The following CDH22 variants were observed in gnomAD, a reference collection of about 807,000 sequenced individuals.
CDH22 encodes cadherin-22.
A neutral mutation model predicts 58.4 loss-of-function variants in CDH22; 30 were observed. The observed-to-expected ratio is 0.51, with a 90% CI of 0.38 to 0.70. The LOEUF (loss-of-function observed/expected upper bound fraction) is 0.70. Among genes scored for constraint, CDH22 ranks in the 30% least tolerant of loss-of-function variants. The pLI, the probability that CDH22 is intolerant of heterozygous loss-of-function variation, is 0.00. For missense variants in CDH22, 1,014 were observed against 1,233.9 expected (o/e 0.82, Z 2.67); for synonymous variants, 513 against 558.2 (o/e 0.92, Z 1.14).
chr20:46,185,376 T>A (rs1451022833), intron 10 of CDH22, among the ~76,000 whole-genome samples: 1 of 152,056 alleles, frequency 6.6e-6, no homozygotes, highest in African/African-American at 2.4e-5. Flanking sequence ...GCAGGGCAGT[T>A]TGCTTTCCAG....
Position 46,184,341 on chromosome 20 carries a change from C to T in CDH22, c.1663+2247G>A, listed in dbSNP as rs188755006. Among the ~76,000 whole-genome samples, 802 of 152,196 alleles carry T rather than the reference C, an allele frequency of 5.3e-3. 3 individuals are homozygous for T. Among genetic ancestry groups the T allele is most frequent in the Non-Finnish European group, 8.4e-3 (573 of 67,992 alleles). On this transcript the variant is annotated intron_variant, in intron 10 of 11. Transcript: ENST00000537909. ...CTCGAACTTCTGACCTCAACTAATC[C>T]GCCCACTTCAGCCTCCCAAAGTGTT...
In CDH22 at chr20:46,216,584, T is replaced by C. The variant is rs926690026; in HGVS notation, c.838+242A>G. On this transcript the variant is annotated intron_variant, in intron 5 of 11. Transcript: ENST00000537909. The surrounding 1 kb of genome is among the most constrained non-coding windows in gnomAD (Gnocchi z 5.3). Reference sequence around the variant, plus strand: ...AGCAAGAGGAGGTCTGGGAAGGTGATGGTGTGTTACTTGGCTCTGTGGAGC... The same window carrying C: ...AGCAAGAGGAGGTCTGGGAAGGTGACGGTGTGTTACTTGGCTCTGTGGAGC... Among the ~76,000 whole-genome samples, 1 of 151,976 alleles carries C rather than the reference T, an allele frequency of 6.6e-6. No homozygotes were observed. The highest frequency in any genetic ancestry group is 1.5e-5 in the Non-Finnish European group (1 of 67,982).
intron 1 of CDH22, among the ~76,000 whole-genome samples, chr20:46,306,178 T>C (rs2086676329): frequency 2.0e-5 from 3 of 152,274 alleles, no homozygotes; most frequent in Admixed American, 6.5e-5. Context: ...AAGTGTCTTC[T>C]TGTCCTGCCT....
intron 3 of CDH22, among the ~76,000 whole-genome samples, chr20:46,232,252 A>G (rs1165511873): frequency 6.6e-6 from 1 of 152,104 alleles, no homozygotes; most frequent in Non-Finnish European, 1.5e-5. Context: ...GGAGCCCCCC[A>G]GCTGGCTCTG....
chr20:46,212,939 C>A (rs968496559), intron 6 of CDH22, 56 bp downstream of exon 6: 12 of 1,496,226 alleles, frequency 8.0e-6, no homozygotes, highest in Middle Eastern at 1.7e-4. Context: ...CAGAGGCCTC[C>A]CTGATCCTCC....
intron 1 of CDH22, among the ~76,000 whole-genome samples, chr20:46,286,150 T>C (rs2086575991): frequency 6.6e-6 from 1 of 152,210 alleles, no homozygotes; most frequent in Non-Finnish European, 1.5e-5. Flanking sequence ...ACTTACTGTA[T>C]GCTTTTCATG....
At chr20:46,188,073 A>G (rs2085839349) in intron 8 of CDH22, among the ~76,000 whole-genome samples, 2 of 152,198 alleles carry the variant, frequency 1.3e-5, no homozygotes, top group African/African-American at 4.8e-5. Flanking sequence ...TCTCTGGGCT[A>G]CCAGCATTGT....
At chr20:46,225,154 C>T (rs1043686469) in intron 4 of CDH22, among the ~76,000 whole-genome samples, 3 of 152,238 alleles carry the variant, frequency 2.0e-5, no homozygotes, top group Non-Finnish European at 2.9e-5. Flanking sequence ...TGGTACATTT[C>T]GGCATTATCT....
At chr20:46,275,936 T>A (rs2086515223) in intron 1 of CDH22, among the ~76,000 whole-genome samples, 1 of 142,342 alleles carries the variant, frequency 7.0e-6, no homozygotes. Context: ...ACTAGATAAG[T>A]AGAAATTGGC....
chr20:46,196,719 C>T (rs892324214), intron 8 of CDH22, among the ~76,000 whole-genome samples: 1 of 152,140 alleles, frequency 6.6e-6, no homozygotes, highest in Non-Finnish European at 1.5e-5. Context: ...CTCATCCCCA[C>T]AGTGAAGATG....
In CDH22 at chr20:46,293,877, T is replaced by C. The variant is rs1000181929; in HGVS notation, c.-400+14378A>G. On this transcript the variant is annotated intron_variant, in intron 1 of 11. Transcript: ENST00000537909. ...TAAAATACAAAAAATTAGCCAGCCA[T>C]GGTGGCTCATGCCTGTAATCCCAGC... Among the ~76,000 whole-genome samples, 46 of 151,980 alleles carry C rather than the reference T, an allele frequency of 3.0e-4. 1 individual carries two copies. Among genetic ancestry groups the C allele is most frequent in the Non-Finnish European group, 4.4e-5 (3 of 68,002 alleles).
intron 4 of CDH22, among the ~76,000 whole-genome samples, chr20:46,226,488 A>G (rs2086176295): frequency 1.3e-5 from 2 of 151,420 alleles, no homozygotes; most frequent in South Asian, 4.2e-4. Context: ...TCTCTGTGTT[A>G]CCCAGGCTGG....
intron 4 of CDH22, among the ~76,000 whole-genome samples, chr20:46,226,462 T>C (rs151022343): frequency 6.6e-6 from 1 of 151,858 alleles, no homozygotes; most frequent in Non-Finnish European, 1.5e-5. Context: ...ATTTTTTCTT[T>C]TGTAGAGATG....
Position 46,251,167 on chromosome 20 carries a change from G to T in CDH22, c.128C>A (p.Ser43Ter). The T allele has an allele frequency of 1.9e-6, 3 of 1,582,044 alleles. No homozygotes were observed. The highest frequency in any genetic ancestry group is 2.6e-6 in the Non-Finnish European group (3 of 1,165,212). The change falls in exon 2 of 12, where the codon TCG becomes TAG. Residue 43 changes from serine to a stop codon, truncating the protein, a stop_gained. Coordinates refer to ENST00000537909, the MANE Select transcript of CDH22 (RefSeq NM_021248.3). LOFTEE classifies it high-confidence loss of function. This position sits in a 1 kb window ranked among gnomAD's most constrained non-coding sequence, Gnocchi z 6.7. Reference protein sequence around the residue: ...LGRLWAAGTPSPSAPGARQDG... With the variant: ...LGRLWAAGTP ...CTGCCGAGCTCCGGGCGCCGACGGC[G>T]AGGGTGTGCCCGCTGCCCACAGGCG...
intron 3 of CDH22, 25 bp downstream of exon 3, chr20:46,240,938 C>T (rs772201859): frequency 6.9e-6 from 11 of 1,596,838 alleles, no homozygotes; most frequent in Non-Finnish European, 7.7e-6. Flanking sequence ...GATCCCATCC[C>T]CCACCCCCAG....
chr20:46,182,935 C>T (rs945037036), intron 10 of CDH22, among the ~76,000 whole-genome samples: 1 of 152,180 alleles, frequency 6.6e-6, no homozygotes, highest in Non-Finnish European at 1.5e-5. Flanking sequence ...TCCACGGCTG[C>T]TGTGACCTCA....
At chr20:46,212,672 G>A (rs1011475570) in intron 6 of CDH22, among the ~76,000 whole-genome samples, 6 of 152,180 alleles carry the variant, frequency 3.9e-5, no homozygotes, top group Non-Finnish European at 8.8e-5. Flanking sequence ...GGAAATATGA[G>A]GATTAAAGGC....
chr20:46,249,346 G>T (rs1234415993), intron 2 of CDH22, among the ~76,000 whole-genome samples: 1 of 152,188 alleles, frequency 6.6e-6, no homozygotes, highest in Non-Finnish European at 1.5e-5. Flanking sequence ...GGAGTCAGGA[G>T]TCCTAGGCCC....
Position 46,174,712 on chromosome 20 carries a change from C to A in CDH22, c.2281G>T (p.Asp761Tyr). 1 of 1,555,998 alleles carries A rather than the reference C, an allele frequency of 6.4e-7. No individual in the cohort carries two copies. Among genetic ancestry groups the A allele is most frequent in the Non-Finnish European group, 8.6e-7 (1 of 1,158,556 alleles). The change falls in exon 12 of 12, where the codon GAC becomes TAC. Residue 761 changes from aspartate (D) to tyrosine (Y), a missense_variant. Physicochemically the swap from Asp to Tyr is radical, Grantham distance 160. Around this residue, in one of 2 missense-constraint regions of CDH22, gnomAD observed 208 missense variants for 195.2 expected, o/e 1.07. Coordinates refer to ENST00000537909, the MANE Select transcript of CDH22 (RefSeq NM_021248.3). This position sits in a 1 kb window ranked among gnomAD's most constrained non-coding sequence, Gnocchi z 4.4. ...GCGTCGTAGGGCGGCACCGACAGGT[C>A]CCCGTCCGCCAGTGCCACCTTGCGG... Reference protein sequence around the residue: ...ISRKVALADGDLSVPPYDAFQ... With the variant: ...ISRKVALADGYLSVPPYDAFQ...
Sources: gnomAD v4.1 joint callset for allele counts (sites outside exome capture counted in the v4.1 genomes callset) on GRCh38, gnomAD v4.1.1 for gene constraint, gnomAD v4.1.1 regional missense constraint, Gnocchi (gnomAD v3.1) non-coding constraint, MANE v1.5 for transcripts, NCBI Gene and HGNC (gene_info 2026-07-23, HGNC 2026-07-21) for gene names.